The following ETV6 variants were observed in gnomAD, a reference collection of about 807,000 sequenced individuals.
ETV6 encodes the protein ETS variant transcription factor 6, also known as transcription factor ETV6.
In ETV6, 16 loss-of-function variants were observed where a neutral mutation model predicts 51.1. The ratio of observed to expected loss-of-function variants is 0.31; its 90% CI spans 0.21 to 0.48. ETV6 has a LOEUF of 0.48. Ranked by LOEUF, ETV6 falls within the 20% of genes least tolerant of loss-of-function variation. ETV6 has a pLI of 0.99. For synonymous variants in ETV6, 240 were observed against 224.1 expected (o/e 1.07, Z -0.64); for missense variants, 458 against 594.8 (o/e 0.77, Z 2.39).
At chr12:11,811,730 C>T (rs929143476) in intron 2 of ETV6, among the ~76,000 whole-genome samples, 10 of 152,050 alleles carry the variant, frequency 6.6e-5, no homozygotes, top group African/African-American at 2.4e-4. Context: ...ACTTTTCACA[C>T]GTAAAATTTT....
At chr12:11,823,108 C>T (rs529661638) in intron 2 of ETV6, among the ~76,000 whole-genome samples, 2 of 152,268 alleles carry the variant, frequency 1.3e-5, no homozygotes, top group East Asian at 3.9e-4. Flanking sequence ...ACCAACCGCA[C>T]CTGTAGGGCC....
At chr12:11,863,218 A>G (rs1047716269) in intron 4 of ETV6, among the ~76,000 whole-genome samples, 4 of 152,172 alleles carry the variant, frequency 2.6e-5, no homozygotes, top group Non-Finnish European at 5.9e-5. Context: ...TATTTATAGC[A>G]TGGTTAAATT....
chr12:11,759,941 T>A (rs1945060832), intron 2 of ETV6, among the ~76,000 whole-genome samples: 1 of 152,236 alleles, frequency 6.6e-6, no homozygotes, highest in Admixed American at 6.5e-5. Flanking sequence ...TTCAAACTTT[T>A]GGGGTTTCTG....
chr12:11,762,327 A>G (rs921793309), intron 2 of ETV6, among the ~76,000 whole-genome samples: 31 of 152,224 alleles, frequency 2.0e-4, no homozygotes, highest in Admixed American at 9.2e-4. Context: ...TCTGCTAACT[A>G]TCTACTTGAC....
intron 6 of ETV6, 24 bp downstream of exon 6, chr12:11,884,611 T>G (rs751624691): frequency 1.2e-6 from 2 of 1,612,704 alleles, no homozygotes; most frequent in Non-Finnish European, 1.7e-6. Context: ...AGATATCTGC[T>G]CCATAAACTA....
chr12:11,831,211 CTGTG>C (rs1946239605), intron 2 of ETV6, among the ~76,000 whole-genome samples: 1 of 151,552 alleles, frequency 6.6e-6, no homozygotes, highest in Non-Finnish European at 1.5e-5. Context: ...GTGTCTGTGT[CTGTG>C]TGTGTCTGTG....
rs2136491275 is a variant in ETV6 at position 11,853,548 on chromosome 12, G to C, written c.450G>C (p.Gln150His). ...CACAGCCGGAGGTCATACTGCATCA[G>C]AACCATGAAGAAGGTACTGGAAGAG... is the stretch of plus-strand genomic sequence containing the variant. ...IHTQPEVILH[Q>H]NHEEDNCVQR... Residue 150 changes from glutamine to histidine, a missense_variant, in exon 4 of 8, where the codon CAG becomes CAC. Transcript: ENST00000396373. 6.2e-7 allele frequency: 1 copy of C among 1,614,218 alleles called. No homozygotes were observed. Among genetic ancestry groups the C allele is most frequent in the Non-Finnish European group, 8.5e-7 (1 of 1,180,042 alleles).
At chr12:11,799,959 T>C (rs1185066457) in intron 2 of ETV6, among the ~76,000 whole-genome samples, 1 of 152,120 alleles carries the variant, frequency 6.6e-6, no homozygotes, top group Non-Finnish European at 1.5e-5. Context: ...AGAGACAAAG[T>C]GTTGCTATGT....
At chr12:11,679,756 A>ATTAGAGG (rs1864491628) in intron 1 of ETV6, among the ~76,000 whole-genome samples, 1 of 152,202 alleles carries the variant, frequency 6.6e-6, no homozygotes, top group Admixed American at 6.5e-5. Context: ...TAGACCATGT[A>ATTAGAGG]TCAGAGGTGG....
intron 2 of ETV6, among the ~76,000 whole-genome samples, chr12:11,754,781 T>G (rs1486860792): frequency 6.6e-6 from 1 of 152,274 alleles, no homozygotes; most frequent in Non-Finnish European, 1.5e-5. Flanking sequence ...TGGTAGTGCC[T>G]TCTGTGTGCC....
intron 2 of ETV6, among the ~76,000 whole-genome samples, chr12:11,815,529 C>A (rs1213540759): frequency 1.3e-5 from 2 of 152,226 alleles, no homozygotes; most frequent in Non-Finnish European, 2.9e-5. Flanking sequence ...CTACTTGGGC[C>A]ACTTTGATCA....
chr12:11,846,313 A>T (rs1591715909), intron 3 of ETV6, among the ~76,000 whole-genome samples: 1 of 152,226 alleles, frequency 6.6e-6, no homozygotes, highest in Non-Finnish European at 1.5e-5. Context: ...AAATTAAAGA[A>T]TGTGTTACTT....
At chr12:11,780,782 C>A (rs1435612490) in intron 2 of ETV6, among the ~76,000 whole-genome samples, 1 of 152,204 alleles carries the variant, frequency 6.6e-6, no homozygotes, top group Non-Finnish European at 1.5e-5. Flanking sequence ...TGGGATTCCC[C>A]CACATGCGGT....
intron 4 of ETV6, among the ~76,000 whole-genome samples, chr12:11,864,497 T>G (rs1335687830): frequency 1.3e-5 from 2 of 152,240 alleles, no homozygotes; most frequent in African/African-American, 4.8e-5. Flanking sequence ...AAACTGGAAC[T>G]GTCTTCAATA....
intron 4 of ETV6, among the ~76,000 whole-genome samples, chr12:11,868,337 A>C (rs1316269146): frequency 6.6e-6 from 1 of 151,846 alleles, no homozygotes; most frequent in African/African-American, 2.4e-5. Flanking sequence ...TAACTTCTTT[A>C]CGCCTCAGTT....
chr12:11,766,187 C>G (rs529573924), intron 2 of ETV6, among the ~76,000 whole-genome samples: 1 of 152,190 alleles, frequency 6.6e-6, no homozygotes, highest in Non-Finnish European at 1.5e-5. Flanking sequence ...CAGGACTCAG[C>G]TGCCAAAGTT....
In ETV6 at chr12:11,881,450, G is replaced by A. The variant is rs370475149; in HGVS notation, c.1010-2995G>A. Among the ~76,000 whole-genome samples, 5 of 152,308 alleles carry A rather than the reference G, an allele frequency of 3.3e-5. No homozygotes were observed. The East Asian group carries it at 5.8e-4, about 18-fold the overall frequency. The stretch of plus-strand genomic sequence containing the variant: ...TGGGTAGTTGGTACGCAATAGATAC[G>A]GATTGCTCCACAGTTCTGGGGGCTG... On this transcript the variant is annotated intron_variant, in intron 5 of 7. Coordinates refer to ENST00000396373, the MANE Select transcript of ETV6 (RefSeq NM_001987.5).
intron 3 of ETV6, among the ~76,000 whole-genome samples, 171 bp downstream of exon 3, chr12:11,839,475 G>A (rs1385855589): frequency 6.6e-6 from 1 of 152,216 alleles, no homozygotes; most frequent in East Asian, 1.9e-4. Context: ...GCCAGTTTGA[G>A]GGAAGAAGAG....
intron 2 of ETV6, among the ~76,000 whole-genome samples, chr12:11,797,455 G>A (rs1290874236): frequency 6.6e-6 from 1 of 152,206 alleles, no homozygotes; most frequent in Non-Finnish European, 1.5e-5. Context: ...TCAAGGAGCA[G>A]AAATCCAGCC....
Sources: gnomAD v4.1 joint callset for allele counts (sites outside exome capture counted in the v4.1 genomes callset) on GRCh38, gnomAD v4.1.1 for gene constraint, MANE v1.5 for transcripts, NCBI Gene and HGNC (gene_info 2026-07-23, HGNC 2026-07-21) for gene names.